Variants in SGK1 observed in about 807,000 individuals in gnomAD.
SGK1 encodes serum/glucocorticoid regulated kinase 1, also known as serine/threonine-protein kinase Sgk1.
SGK1 carries 26 observed loss-of-function variants against 64.2 expected under a neutral mutation model. That is an observed-to-expected ratio of 0.40 (90% CI 0.30 to 0.56). The LOEUF (loss-of-function observed/expected upper bound fraction) is 0.56, where lower values mean the gene tolerates loss of function less well. Among genes scored for constraint, SGK1 ranks in the 20% least tolerant of loss-of-function variants. SGK1 has a pLI of 0.38. For missense variants in SGK1, 519 were observed against 645.6 expected (o/e 0.80, Z 2.12); for synonymous variants, 265 against 239.7 (o/e 1.11, Z -0.98).
Position 134,172,767 on chromosome 6 carries a change from T to A in SGK1, c.842A>T (p.Tyr281Phe), listed in dbSNP as rs761992267. ...LDYINGGELF[Y>F]HLQRERCFLE... ...GAAGCAGCGTTCCCTCTGGAGATGG[T>A]AGAACAACTGCAGGAGACAGAACAA... Residue 281 changes from tyrosine (Y) to phenylalanine (F), a missense_variant, in exon 9 of 14, where the codon TAC (tyrosine) becomes TTC (phenylalanine). Physicochemically the swap from Tyr to Phe is conservative, Grantham distance 22 (BLOSUM62 3). Coordinates refer to ENST00000367858, the MANE Select transcript of SGK1 (RefSeq NM_001143676.3). 2.6e-5 allele frequency: 42 copies of A among 1,608,558 alleles called. No individual in the cohort carries two copies. Among genetic ancestry groups the A allele is most frequent in the South Asian group, 2.0e-4 (18 of 90,974 alleles).
At chr6:134,275,334 A>C (rs1777003790) in intron 1 of SGK1, among the ~76,000 whole-genome samples, 1 of 152,200 alleles carries the variant, frequency 6.6e-6, no homozygotes, top group Non-Finnish European at 1.5e-5. Flanking sequence ...GGTGTGACCC[A>C]CTGTGTCCAG....
At chr6:134,300,014 C>A (rs1777423775) in intron 1 of SGK1, among the ~76,000 whole-genome samples, 1 of 152,016 alleles carries the variant, frequency 6.6e-6, no homozygotes, top group South Asian at 2.1e-4. Context: ...GAGTTTATTG[C>A]CACTAAAAAA....
intron 2 of SGK1, among the ~76,000 whole-genome samples, chr6:134,231,955 C>G (rs774425616): frequency 6.7e-6 from 1 of 150,082 alleles, no homozygotes; most frequent in Admixed American, 6.7e-5. Context: ...AGGAGAATTG[C>G]TTGAACCTGG....
intron 2 of SGK1, among the ~76,000 whole-genome samples, chr6:134,252,793 G>A (rs894616205): frequency 6.6e-6 from 1 of 151,962 alleles, no homozygotes; most frequent in Non-Finnish European, 1.5e-5. Flanking sequence ...ATAAGCTTAG[G>A]AATCACCAGA....
In SGK1 at chr6:134,173,465, T is replaced by C. The variant is rs779220663; in HGVS notation, c.615A>G (p.Gly205=). 1 of 1,610,200 alleles carries C rather than the reference T, an allele frequency of 6.2e-7. No individual in the cohort carries two copies. Among genetic ancestry groups the C allele is most frequent in the Non-Finnish European group, 8.5e-7 (1 of 1,178,158 alleles). Residue 205 remains glycine (G), a synonymous_variant, in exon 6 of 14, where the codon GGA becomes GGG. Transcript: ENST00000367858. ...AGATCTTCAGATTTGAAATTACCTT[T>C]CCAAAACTGCCCTTTCCGATCACTT... ...FLKVIGKGSF[G]KVLLARHKAE...
At chr6:134,284,280 C>T (rs1420338856) in intron 1 of SGK1, among the ~76,000 whole-genome samples, 1 of 151,452 alleles carries the variant, frequency 6.6e-6, no homozygotes, top group African/African-American at 2.4e-5. Flanking sequence ...TTAGTAGAGA[C>T]AGGGTTTCAC....
At chr6:134,271,319 A>G (rs1582755362) in intron 1 of SGK1, among the ~76,000 whole-genome samples, 1 of 126,648 alleles carries the variant, frequency 7.9e-6, no homozygotes. Flanking sequence ...CTCAAAAAAA[A>G]AAAAAAATTG....
At position 134,304,161 on chromosome 6, in the gene SGK1, CT is replaced by C. The variant is rs550365787; in HGVS notation, c.69+13230del. Reference sequence around the variant, plus strand: ...AGCTTTCTCGGACTTTCTGGCTCAGCTCAACCACCAGCTGAATGCAGCCAAG... The same window carrying C: ...AGCTTTCTCGGACTTTCTGGCTCAGCCAACCACCAGCTGAATGCAGCCAAG... On this transcript the variant is annotated intron_variant, in intron 1 of 13. Coordinates refer to ENST00000367858, the MANE Select transcript of SGK1 (RefSeq NM_001143676.3). 1.0e-3 allele frequency among the ~76,000 whole-genome samples: 157 copies of C among 152,320 alleles called. 1 individual carries two copies. Among genetic ancestry groups the C allele is most frequent in the Middle Eastern group, 3.4e-3 (1 of 294 alleles).
chr6:134,185,329 A>G (rs909828980), intron 3 of SGK1, among the ~76,000 whole-genome samples: 1 of 152,196 alleles, frequency 6.6e-6, no homozygotes, highest in African/African-American at 2.4e-5. Context: ...ACCCCCTTCT[A>G]CTTTATATCC....
At chr6:134,183,967 A>G (rs1775378635) in intron 3 of SGK1, among the ~76,000 whole-genome samples, 1 of 150,976 alleles carries the variant, frequency 6.6e-6, no homozygotes, top group African/African-American at 2.4e-5. Flanking sequence ...AGGCAGCACA[A>G]TTTGTGTCTC....
chr6:134,187,319 A>G (rs765258230), intron 3 of SGK1, among the ~76,000 whole-genome samples: 3 of 152,148 alleles, frequency 2.0e-5, no homozygotes, highest in Non-Finnish European at 4.4e-5. Context: ...CTCCCTCTGG[A>G]ACTAAGACCT....
At chr6:134,212,067 T>G (rs565419506) in intron 2 of SGK1, among the ~76,000 whole-genome samples, 11,500 of 148,202 alleles carry the variant, frequency 0.078, 654 homozygotes, top group African/African-American at 0.16. Context: ...TTGTTTTTTT[T>G]GGGGGGGACG....
chr6:134,218,060 T>G (rs2114698268), intron 2 of SGK1, among the ~76,000 whole-genome samples: 1 of 152,330 alleles, frequency 6.6e-6, no homozygotes, highest in South Asian at 2.1e-4. Flanking sequence ...ATCAAATGTT[T>G]TCTATATTCT....
intron 1 of SGK1, among the ~76,000 whole-genome samples, chr6:134,299,218 A>T (rs1314085938): frequency 6.8e-6 from 1 of 147,134 alleles, no homozygotes; most frequent in Non-Finnish European, 1.5e-5. Context: ...AAAAAAAAAA[A>T]GCCAGGCATG....
intron 2 of SGK1, among the ~76,000 whole-genome samples, chr6:134,209,878 T>C (rs746460938): frequency 3.7e-4 from 57 of 152,190 alleles, no homozygotes; most frequent in Admixed American, 7.9e-4. Flanking sequence ...GGTTTTGCCA[T>C]GTTGGTCAGA....
intron 1 of SGK1, among the ~76,000 whole-genome samples, chr6:134,306,353 G>T (rs1167856779): frequency 6.6e-6 from 1 of 151,928 alleles, no homozygotes; most frequent in Admixed American, 6.6e-5. Flanking sequence ...AACCCGGGAG[G>T]CGGAGGTTGC....
intron 12 of SGK1, 22 bp from the exon 13 acceptor site, chr6:134,170,937 T>A: frequency 1.9e-6 from 3 of 1,608,698 alleles, no homozygotes; most frequent in Non-Finnish European, 2.6e-6. Context: ...AAACCCAAGA[T>A]TAATTTAGAC....
At chr6:134,313,062 C>G (rs565369636) in intron 1 of SGK1, among the ~76,000 whole-genome samples, 1 of 152,170 alleles carries the variant, frequency 6.6e-6, no homozygotes, top group African/African-American at 2.4e-5. Flanking sequence ...CGTGAGCCAA[C>G]GCGCCCAGCC....
chr6:134,281,968 T>C (rs1176567816), intron 1 of SGK1, among the ~76,000 whole-genome samples: 2 of 152,184 alleles, frequency 1.3e-5, no homozygotes, highest in African/African-American at 4.8e-5. Flanking sequence ...GAGAGACTGG[T>C]TTAAAAGCAG....
Sources: gnomAD v4.1 joint callset for allele counts (sites outside exome capture counted in the v4.1 genomes callset) on GRCh38, gnomAD v4.1.1 for gene constraint, MANE v1.5 for transcripts, NCBI Gene and HGNC (gene_info 2026-07-23, HGNC 2026-07-21) for gene names.